The following R3HCC1L variants were observed in gnomAD, a reference collection of about 807,000 sequenced individuals.
R3HCC1L encodes the protein coiled-coil domain-containing protein R3HCC1L.
In R3HCC1L, 51 loss-of-function variants were observed where a neutral mutation model predicts 59.9. The observed-to-expected ratio is 0.85, with a 90% confidence interval of 0.68 to 1.07. R3HCC1L has a LOEUF of 1.07. R3HCC1L is among the 50% of genes least tolerant of loss of function. The pLI is 0.00. For missense variants in R3HCC1L, 965 were observed against 933.0 expected (o/e 1.03, Z -0.45); for synonymous variants, 322 against 315.2 (o/e 1.02, Z -0.23).
intron 1 of R3HCC1L, among the ~76,000 whole-genome samples, chr10:98,143,529 A>G (rs1018189185): frequency 6.6e-6 from 1 of 152,052 alleles, no homozygotes; most frequent in African/African-American, 2.4e-5. Flanking sequence ...TTTTTGTACC[A>G]TGTTTCTTGT....
chr10:98,174,889 G>C (rs758182014), intron 4 of R3HCC1L: 4 of 622,320 alleles, frequency 6.4e-6, no homozygotes, highest in Non-Finnish European at 8.0e-6. Flanking sequence ...ATTTGGAATT[G>C]CCAGATTACC....
At chr10:98,202,980 A>G (rs1001800318) in intron 4 of R3HCC1L, among the ~76,000 whole-genome samples, 7 of 152,186 alleles carry the variant, frequency 4.6e-5, no homozygotes, top group Non-Finnish European at 1.0e-4. Flanking sequence ...TGGCAGTTAA[A>G]GGCACTACCT....
At chr10:98,229,131 G>A (rs1249622247) in intron 5 of R3HCC1L, among the ~76,000 whole-genome samples, 2 of 152,022 alleles carry the variant, frequency 1.3e-5, no homozygotes, top group Non-Finnish European at 2.9e-5. Flanking sequence ...GAAAGTCATT[G>A]GTAGCTTGAT....
intron 4 of R3HCC1L, among the ~76,000 whole-genome samples, chr10:98,177,636 C>T (rs766690507): frequency 7.9e-5 from 12 of 152,160 alleles, no homozygotes; most frequent in East Asian, 3.9e-4. Flanking sequence ...AACTAGTTTA[C>T]GCTCCCACTA....
intron 2 of R3HCC1L, among the ~76,000 whole-genome samples, chr10:98,159,154 T>C (rs1366976087): frequency 6.6e-6 from 1 of 152,200 alleles, no homozygotes; most frequent in African/African-American, 2.4e-5. Context: ...TTGTAGAACA[T>C]GTGCAGTTTG....
chr10:98,221,544 T>G (rs1041865115), intron 5 of R3HCC1L, among the ~76,000 whole-genome samples: 3 of 151,790 alleles, frequency 2.0e-5, no homozygotes, highest in African/African-American at 7.3e-5. Flanking sequence ...CCATCTTGAA[T>G]TGATTTTTGT....
intron 5 of R3HCC1L, among the ~76,000 whole-genome samples, chr10:98,227,696 A>G (rs1293959775): frequency 1.3e-5 from 2 of 151,528 alleles, no homozygotes; most frequent in Non-Finnish European, 2.9e-5. Flanking sequence ...CTCGTCATTT[A>G]CATTAGGTAT....
At chr10:98,217,512 C>T (rs1854351895) in intron 5 of R3HCC1L, among the ~76,000 whole-genome samples, 1 of 152,004 alleles carries the variant, frequency 6.6e-6, no homozygotes, top group African/African-American at 2.4e-5. Context: ...TTTTGTGGTT[C>T]CATTCAAATT....
rs774506642 is a variant in R3HCC1L at position 98,236,034 on chromosome 10, G to C, written c.2139G>C (p.Gln713His). The part of the protein sequence containing the change: ...AKARAYAEFL[Q>H]PAKERPETSA... ...CTTTCTTCGATTCAGAGTTCCTCCA[G>C]CCAGCAAAGGAGCGTCCTGAGACTT... Residue 713 changes from glutamine (Q) to histidine (H), a missense_variant, in exon 9 of 10, where the codon CAG becomes CAC. Coordinates refer to ENST00000298999, the MANE Select transcript of R3HCC1L (RefSeq NM_001351015.2). 6.2e-7 allele frequency: 1 copy of C among 1,613,474 alleles called. No homozygotes were observed.
intron 4 of R3HCC1L, among the ~76,000 whole-genome samples, chr10:98,183,466 A>G (rs534768760): frequency 6.6e-6 from 1 of 150,650 alleles, no homozygotes; most frequent in Non-Finnish European, 1.5e-5. Context: ...TGTTTATTTG[A>G]TGCTGCCTAG....
intron 4 of R3HCC1L, among the ~76,000 whole-genome samples, chr10:98,184,745 G>T (rs1408316816): frequency 6.6e-6 from 1 of 152,134 alleles, no homozygotes; most frequent in Non-Finnish European, 1.5e-5. Context: ...TTTTCTCTGG[G>T]TCTCAAGTAT....
At chr10:98,151,978 T>C (rs1024196778) in intron 1 of R3HCC1L, among the ~76,000 whole-genome samples, 2 of 152,080 alleles carry the variant, frequency 1.3e-5, no homozygotes, top group Non-Finnish European at 2.9e-5. Flanking sequence ...CTCGCCCTCT[T>C]TCCACGGTCT....
At chr10:98,219,732 AACTT>A (rs1404638078) in intron 5 of R3HCC1L, among the ~76,000 whole-genome samples, 1 of 151,260 alleles carries the variant, frequency 6.6e-6, no homozygotes, top group Non-Finnish European at 1.5e-5. Context: ...ATCTGGGAAC[AACTT>A]TATTGTTGTT....
intron 5 of R3HCC1L, among the ~76,000 whole-genome samples, chr10:98,225,783 A>G (rs1855605974): frequency 6.6e-6 from 1 of 152,246 alleles, no homozygotes; most frequent in African/African-American, 2.4e-5. Context: ...TGACTAGATT[A>G]GAGCAAAGGA....
intron 1 of R3HCC1L, among the ~76,000 whole-genome samples, chr10:98,136,380 T>C (rs931333565): frequency 6.6e-6 from 1 of 152,160 alleles, no homozygotes; most frequent in Non-Finnish European, 1.5e-5. Flanking sequence ...TCTGAAATGC[T>C]TGGTACCAGA....
chr10:98,221,924 T>C (rs563206262), intron 5 of R3HCC1L, among the ~76,000 whole-genome samples: 1 of 152,184 alleles, frequency 6.6e-6, no homozygotes, highest in African/African-American at 2.4e-5. Flanking sequence ...AGAAAGGCAT[T>C]AGTAGCTTGA....
At chr10:98,230,286 A>G (rs1856216249) in intron 5 of R3HCC1L, among the ~76,000 whole-genome samples, 1 of 152,160 alleles carries the variant, frequency 6.6e-6, no homozygotes, top group African/African-American at 2.4e-5. Context: ...TCAGAGATTC[A>G]ACTTCTTCCT....
At chr10:98,184,546 G>T (rs1383356014) in intron 4 of R3HCC1L, among the ~76,000 whole-genome samples, 1 of 152,154 alleles carries the variant, frequency 6.6e-6, no homozygotes, top group Non-Finnish European at 1.5e-5. Context: ...AGTATACTCT[G>T]TCATGTTCTC....
chr10:98,191,030 C>G (rs1386145723), intron 4 of R3HCC1L, among the ~76,000 whole-genome samples: 5 of 152,134 alleles, frequency 3.3e-5, no homozygotes, highest in Admixed American at 6.6e-5. Context: ...ATATGTGCCA[C>G]ATGTCCTTAA....
Sources: allele counts gnomAD v4.1 joint callset (sites outside exome capture counted in the v4.1 genomes callset), GRCh38; gene constraint gnomAD v4.1.1; transcripts MANE v1.5; gene names NCBI Gene and HGNC (gene_info 2026-07-23, HGNC 2026-07-21).